The following MVB12B variants were observed in gnomAD, a reference collection of about 807,000 sequenced individuals.
MVB12B encodes ESCRT-I complex subunit MVB12B.
MVB12B carries 16 observed loss-of-function variants against 41.6 expected under a neutral mutation model. The observed-to-expected ratio is 0.38, with a 90% CI of 0.26 to 0.58. The LOEUF (loss-of-function observed/expected upper bound fraction) is 0.58, where lower values mean the gene tolerates loss of function less well. MVB12B is among the 20% of genes least tolerant of loss of function. The probability of loss-of-function intolerance (pLI) is 0.62; values close to 1 mark genes in which losing one functional copy is unlikely to be tolerated. For synonymous variants in MVB12B, 133 were observed against 139.7 expected, an observed-to-expected ratio of 0.95 and a Z score of 0.34; for missense variants, 274 against 380.2, an observed-to-expected ratio of 0.72 and a Z score of 2.32.
chr9:126,357,542 CTA>C (rs1829916004), intron 2 of MVB12B, among the ~76,000 whole-genome samples: 1 of 151,912 alleles, frequency 6.6e-6, no homozygotes, highest in African/African-American at 2.4e-5. Flanking sequence ...CTTAACCATT[CTA>C]GTGGATGTGT....
At chr9:126,449,080 G>A (rs987285255) in intron 7 of MVB12B, among the ~76,000 whole-genome samples, 1 of 152,140 alleles carries the variant, frequency 6.6e-6, no homozygotes, top group East Asian at 1.9e-4. Context: ...CAATGCTCCC[G>A]TCAGCTGCCC....
chr9:126,344,413 A>G (rs756978060), intron 2 of MVB12B, among the ~76,000 whole-genome samples: 18 of 152,198 alleles, frequency 1.2e-4, no homozygotes, highest in Admixed American at 9.8e-4. Context: ...CCTTCCTTCC[A>G]TACCTGGAAG....
At position 126,468,104 on chromosome 9, in the gene MVB12B, C is replaced by T. The variant is rs1205312086; in HGVS notation, c.758-13265C>T. Among the ~76,000 whole-genome samples the T allele has an allele frequency of 6.6e-6, 1 of 152,202 alleles. No individual in the cohort carries two copies. The highest frequency in any genetic ancestry group is 2.4e-5 in the African/African-American group (1 of 41,442). ...GATTTTGATCCAATATCACAGAGTACATTCTGATCTTCCCATTGTTTTTGC... is the reference window on the plus strand; with the variant it reads ...GATTTTGATCCAATATCACAGAGTATATTCTGATCTTCCCATTGTTTTTGC... On this transcript the variant is annotated intron_variant, in intron 7 of 9. Coordinates refer to ENST00000361171, the MANE Select transcript of MVB12B (RefSeq NM_033446.3). The surrounding 1 kb of genome is among the most constrained non-coding windows in gnomAD (Gnocchi z 4.3).
Position 126,386,621 on chromosome 9 carries a change from T to C in MVB12B, c.372T>C (p.Pro124=), listed in dbSNP as rs773806625. 54 of 1,614,102 alleles carry C rather than the reference T, an allele frequency of 3.3e-5. No individual in the cohort carries two copies. The highest frequency in any genetic ancestry group is 4.4e-5 in the Non-Finnish European group (52 of 1,179,962). ...MKLIDIKDTL[P]VGFIPIQETV... ...TCATTGACATCAAGGACACACTGCCTGTGGGCTTCATCCCAATTCAGGAGA... is the reference window on the plus strand; with the variant it reads ...TCATTGACATCAAGGACACACTGCCCGTGGGCTTCATCCCAATTCAGGAGA... Residue 124 remains proline, a synonymous_variant, in exon 4 of 10, where the codon CCT becomes CCC. Transcript: ENST00000361171. The surrounding 1 kb of genome is among the most constrained non-coding windows in gnomAD (Gnocchi z 4.3).
At chr9:126,442,210 T>C (rs925551829) in intron 7 of MVB12B, among the ~76,000 whole-genome samples, 9 of 152,230 alleles carry the variant, frequency 5.9e-5, no homozygotes, top group Non-Finnish European at 1.2e-4. Context: ...AGTTTACAGT[T>C]CTTCAGGGGA....
At chr9:126,498,619 C>T (rs775578209) in intron 9 of MVB12B, among the ~76,000 whole-genome samples, 4 of 152,146 alleles carry the variant, frequency 2.6e-5, no homozygotes, top group Admixed American at 6.5e-5. Flanking sequence ...GCCAGCCCAG[C>T]GCCTGCCCCC....
intron 2 of MVB12B, among the ~76,000 whole-genome samples, chr9:126,345,269 G>A (rs1287081242): frequency 1.3e-5 from 2 of 152,176 alleles, no homozygotes; most frequent in African/African-American, 4.8e-5. Context: ...AGGCTAAACT[G>A]CATCCTGGTC....
At chr9:126,483,726 G>A (rs1833574129) in intron 8 of MVB12B, among the ~76,000 whole-genome samples, 1 of 152,186 alleles carries the variant, frequency 6.6e-6, no homozygotes, top group African/African-American at 2.4e-5. Context: ...ACCACAACTA[G>A]GCAAAGGTCC....
rs752477651 is a variant in MVB12B at position 126,483,965 on chromosome 9, G to C, written c.814-8G>C. On this transcript the variant is annotated splice_polypyrimidine_tract_variant and splice_region_variant and intron_variant, in intron 8 of 9. Coordinates refer to ENST00000361171, the MANE Select transcript of MVB12B (RefSeq NM_033446.3). ...TATTTAAAAGGGCAACTTCATCTGT[G>C]TTTTCAGATGCAGCCCTTTGATCTC... is the stretch of plus-strand genomic sequence containing the variant. 6.8e-6 allele frequency: 11 copies of C among 1,613,806 alleles called. No individual in the cohort carries two copies. The Admixed American group carries it at 1.8e-4, about 27-fold the overall frequency.
intron 7 of MVB12B, among the ~76,000 whole-genome samples, chr9:126,462,315 C>T (rs1833107070): frequency 6.6e-6 from 1 of 152,148 alleles, no homozygotes; most frequent in South Asian, 2.1e-4. Context: ...TTCGTAAACA[C>T]AGGGTAATAT....
intron 2 of MVB12B, among the ~76,000 whole-genome samples, chr9:126,355,983 G>T (rs1322469763): frequency 6.6e-6 from 1 of 152,092 alleles, no homozygotes; most frequent in African/African-American, 2.4e-5. Context: ...ACCAATCTGT[G>T]TTCTGTTGCT....
chr9:126,357,665 C>T (rs891125090), intron 2 of MVB12B, among the ~76,000 whole-genome samples: 1 of 151,586 alleles, frequency 6.6e-6, no homozygotes, highest in Non-Finnish European at 1.5e-5. Flanking sequence ...AATTTTTTAC[C>T]TGCTTTTCAC....
At chr9:126,401,030 C>T (rs1008238138) in intron 6 of MVB12B, among the ~76,000 whole-genome samples, 4 of 152,218 alleles carry the variant, frequency 2.6e-5, no homozygotes, top group South Asian at 2.1e-4. Context: ...TAGCCTCACC[C>T]CACCCTTCCT....
intron 5 of MVB12B, among the ~76,000 whole-genome samples, chr9:126,394,550 A>G (rs951213320): frequency 2.6e-5 from 4 of 152,232 alleles, no homozygotes; most frequent in African/African-American, 9.6e-5. Flanking sequence ...CTTATTCTTA[A>G]AAGCGGGCAC....
In MVB12B at chr9:126,367,116, G is replaced by C. The variant is rs924694667; in HGVS notation, c.205-13948G>C. 6.6e-6 allele frequency among the ~76,000 whole-genome samples: 1 copy of C among 152,000 alleles called. No individual in the cohort carries two copies. Among genetic ancestry groups the C allele is most frequent in the African/African-American group, 2.4e-5 (1 of 41,380 alleles). ...CCTCTTCTGTCTCTGCTACCAGCTG[G>C]ATAAGGTCCTCACAAGTCTTGACGC... On this transcript the variant is annotated intron_variant, in intron 2 of 9. Transcript: ENST00000361171. This position sits in a 1 kb window ranked among gnomAD's most constrained non-coding sequence, Gnocchi z 4.3.
Position 126,391,502 on chromosome 9 carries a change from T to G in MVB12B, c.410-564T>G, listed in dbSNP as rs1588133656. Among the ~76,000 whole-genome samples, 1 of 152,170 alleles carries G rather than the reference T, an allele frequency of 6.6e-6. No homozygotes were observed. Among genetic ancestry groups the G allele is most frequent in the Non-Finnish European group, 1.5e-5 (1 of 68,038 alleles). On this transcript the variant is annotated intron_variant, in intron 4 of 9. Transcript: ENST00000361171. This position sits in a 1 kb window ranked among gnomAD's most constrained non-coding sequence, Gnocchi z 4.4. ...TGGCATGGTGGTCTTTAAAGAACAG[T>G]GTCCTGGATGCCTACTGAGGTATTG...
Position 126,462,284 on chromosome 9 carries a change from T to C in MVB12B, c.758-19085T>C, listed in dbSNP as rs528516188. Among the ~76,000 whole-genome samples, 381 of 152,310 alleles carry C rather than the reference T, an allele frequency of 2.5e-3. 1 individual carries two copies. Among genetic ancestry groups the C allele is most frequent in the African/African-American group, 8.7e-3 (361 of 41,576 alleles). ...AAGAGTTAAAATGCAGGCCAGGGTA[T>C]TGGAAGTGATGAAAACCAATTTCGT... On this transcript the variant is annotated intron_variant, in intron 7 of 9. Coordinates refer to ENST00000361171, the MANE Select transcript of MVB12B (RefSeq NM_033446.3).
At chr9:126,498,510 C>G (rs768927653) in intron 9 of MVB12B, among the ~76,000 whole-genome samples, 4 of 152,226 alleles carry the variant, frequency 2.6e-5, no homozygotes, top group Non-Finnish European at 4.4e-5. Flanking sequence ...GTGATTCACC[C>G]GTGAGCTCAC....
At chr9:126,498,446 G>A (rs991233933) in intron 9 of MVB12B, among the ~76,000 whole-genome samples, 27 of 152,304 alleles carry the variant, frequency 1.8e-4, no homozygotes, top group African/African-American at 6.5e-4. Flanking sequence ...CCTCCCACCT[G>A]TCCTCACCTG....
Sources: gnomAD v4.1 joint callset for allele counts (sites outside exome capture counted in the v4.1 genomes callset) on GRCh38, gnomAD v4.1.1 for gene constraint, Gnocchi (gnomAD v3.1) non-coding constraint, MANE v1.5 for transcripts, NCBI Gene and HGNC (gene_info 2026-07-23, HGNC 2026-07-21) for gene names.